The following YLPM1 variants were observed in gnomAD, a reference collection of about 807,000 sequenced individuals.
YLPM1 encodes YLP motif containing 1, also known as YLP motif-containing protein 1.
A neutral mutation model predicts 230.0 loss-of-function variants in YLPM1; 99 were observed. The observed-to-expected ratio is 0.43, with a 90% confidence interval of 0.37 to 0.51. YLPM1 has a LOEUF of 0.51. Among genes scored for constraint, YLPM1 ranks in the 20% least tolerant of loss-of-function variants. The pLI, the probability that YLPM1 is intolerant of heterozygous loss-of-function variation, is 0.00. For synonymous variants in YLPM1, 984 were observed against 942.5 expected (o/e 1.04, Z -0.81); for missense variants, 2,592 against 2,707.7 (o/e 0.96, Z 0.95).
intron 6 of YLPM1, among the ~76,000 whole-genome samples, chr14:74,808,118 C>G (rs2091396788): frequency 1.3e-5 from 2 of 152,144 alleles, no homozygotes. Context: ...TTTCATTACC[C>G]CTGTAAGATC....
Position 74,816,433 on chromosome 14 carries a change from C to T in YLPM1, c.5566-138C>T, listed in dbSNP as rs938596663. 20 of 1,279,314 alleles carry T rather than the reference C, an allele frequency of 1.6e-5. No individual in the cohort carries two copies. The East Asian group carries it at 3.3e-4, about 21-fold the overall frequency. The allele number at this position is 1,279,314 out of a possible 1,614,324, so 79.2% of individuals were successfully genotyped here. On this transcript the variant is annotated intron_variant, in intron 12 of 20. Coordinates refer to ENST00000325680, the MANE Select transcript of YLPM1 (RefSeq NM_019589.3). ...TGTCCCATATATATTTTTATCTACT[C>T]AGAGAAACATTTTTGCCTCTGCTTG...
intron 6 of YLPM1, among the ~76,000 whole-genome samples, chr14:74,805,856 C>CA (rs1233087585): frequency 9.7e-5 from 12 of 123,808 alleles, no homozygotes; most frequent in Non-Finnish European, 2.0e-4. Context: ...GTGCCTGCCA[C>CA]CATTCCTGGC....
chr14:74,782,357 G>C, intron 4 of YLPM1, 32 bp downstream of exon 4: 1 of 1,484,996 alleles, frequency 6.7e-7, no homozygotes, highest in Non-Finnish European at 8.9e-7. Flanking sequence ...TTTTTTTTTG[G>C]TTTGGCTATT....
At position 74,781,705 on chromosome 14, in the gene YLPM1, A is replaced by AG; in HGVS notation, c.1663dup (p.Val555GlyfsTer113). The AG allele has an allele frequency of 6.3e-7, 1 of 1,592,836 alleles. No homozygotes were observed. Among genetic ancestry groups the AG allele is most frequent in the Non-Finnish European group, 8.5e-7 (1 of 1,173,962 alleles). ...TGATGCCCCCTGCCCTCCCTGCTAC[A>AG]GTGCCACCACCTGGCATGCCCCCAC... On this transcript the variant is annotated frameshift_variant, in exon 4 of 21. Transcript: ENST00000325680. LOFTEE classifies it high-confidence loss of function.
chr14:74,823,325 G>C (rs1422985566), intron 17 of YLPM1, among the ~76,000 whole-genome samples: 2 of 152,052 alleles, frequency 1.3e-5, no homozygotes, highest in Admixed American at 6.6e-5. Flanking sequence ...CTATTTACTA[G>C]GTTCCAATAT....
At chr14:74,780,676 A>G in intron 3 of YLPM1, 92 bp downstream of exon 3, 1 of 1,489,266 alleles carries the variant, frequency 6.7e-7, no homozygotes, top group Non-Finnish European at 9.0e-7. Flanking sequence ...AAAACAAAAG[A>G]TACCAACTGT....
rs1265663639 is a variant in YLPM1 at position 74,781,370 on chromosome 14, A to G, written c.1327A>G (p.Met443Val). The change falls in exon 4 of 21, where the codon ATG becomes GTG. Residue 443 changes from methionine to valine, a missense_variant. By Grantham distance (21) the Met-to-Val change is conservative (BLOSUM62 1). Around this residue, in one of 4 missense-constraint regions of YLPM1, gnomAD observed 1,862 missense variants for 1,819.8 expected, o/e 1.02. Transcript: ENST00000325680. Reference protein sequence around the residue: ...SVDMQLRHYEMQQQQFQHLYQ... With the variant: ...SVDMQLRHYEVQQQQFQHLYQ... Reference sequence around the variant, plus strand: ...AGATATGCAGCTGCGGCATTATGAGATGCAGCAGCAACAGTTTCAACATCT... The same window carrying G: ...AGATATGCAGCTGCGGCATTATGAGGTGCAGCAGCAACAGTTTCAACATCT... The G allele has an allele frequency of 1.3e-6, 2 of 1,580,732 alleles. No homozygotes were observed. The highest frequency in any genetic ancestry group is 1.7e-6 in the Non-Finnish European group (2 of 1,162,364).
chr14:74,829,317 C>T lies in YLPM1; in HGVS notation c.6268C>T (p.Arg2090Cys). ...TCAGCTCCCCGATGATTATGATACT[C>T]GTGCTTCTGAGCCTGGGAAGAAGAG... ...YLQLPDDYDT[R>C]ASEPGKKRVR... The change falls in exon 19 of 21, where the codon CGT (arginine) becomes TGT (cysteine). Residue 2090 changes from arginine to cysteine, a missense_variant. Physicochemically the swap from Arg to Cys is radical, Grantham distance 180 (BLOSUM62 -3). Transcript: ENST00000325680. The T allele has an allele frequency of 6.2e-7, 1 of 1,613,068 alleles. No individual in the cohort carries two copies. The highest frequency in any genetic ancestry group is 8.5e-7 in the Non-Finnish European group (1 of 1,179,268).
In YLPM1 at chr14:74,763,533, C is replaced by T. The variant is rs2090870662; in HGVS notation, c.44C>T (p.Pro15Leu). ...CGGTATGGCGGGAGCAGCCACTATCCGCCGCCACCGGTCCCACCGCCGCCG... is the reference window on the plus strand; with the variant it reads ...CGGTATGGCGGGAGCAGCCACTATCTGCCGCCACCGGTCCCACCGCCGCCG... ...WGRYGGSSHY[P>L]PPPVPPPPPV... The change falls in exon 1 of 21, where the codon CCG becomes CTG. Residue 15 changes from proline to leucine, a missense_variant. Around this residue, in one of 4 missense-constraint regions of YLPM1, gnomAD observed 1,862 missense variants for 1,819.8 expected, o/e 1.02. Transcript: ENST00000325680. 1 of 1,513,354 alleles carries T rather than the reference C, an allele frequency of 6.6e-7. No individual in the cohort carries two copies. The highest frequency in any genetic ancestry group is 8.9e-7 in the Non-Finnish European group (1 of 1,128,430). The allele number at this position is 1,513,354 out of a possible 1,614,324, so 93.7% of individuals were successfully genotyped here. A position where few individuals can be genotyped will look rare whatever the true frequency, so the allele number is the denominator to read the frequency against.
chr14:74,824,226 C>G lies in YLPM1; in HGVS notation c.6112-30C>G. ...ATGCATGTATGTGTCTCTTTCTAAC[C>G]CTTCGAGCTTCTCTCTGTGTACGAT... is the stretch of plus-strand genomic sequence containing the variant. On this transcript the variant is annotated intron_variant, in intron 17 of 20. Coordinates refer to ENST00000325680, the MANE Select transcript of YLPM1 (RefSeq NM_019589.3). The G allele has an allele frequency of 1.9e-6, 3 of 1,607,860 alleles. No homozygotes were observed. In the East Asian group the frequency reaches 6.7e-5, roughly 36 times the overall value.
chr14:74,829,279 T>C lies in YLPM1; in HGVS notation c.6230T>C (p.Met2077Thr), dbSNP rs2091590154. The change falls in exon 19 of 21, where the codon ATG becomes ACG. Residue 2077 changes from methionine to threonine, a missense_variant. Transcript: ENST00000325680. ...KRDWEAIASR[M>T]EDYLQLPDDY... ...GACTGGGAGGCCATTGCCAGCAGAA[T>C]GGAGGATTATCTTCAGCTCCCCGAT... is the stretch of plus-strand genomic sequence containing the variant. The C allele has an allele frequency of 6.2e-7, 1 of 1,613,116 alleles. No homozygotes were observed. The highest frequency in any genetic ancestry group is 1.3e-5 in the African/African-American group (1 of 74,826).
chr14:74,798,396 T>G lies in YLPM1; in HGVS notation c.3099T>G (p.Asp1033Glu), dbSNP rs2091285974. 1.2e-6 allele frequency: 2 copies of G among 1,613,730 alleles called. No homozygotes were observed. The highest frequency in any genetic ancestry group is 2.7e-5 in the African/African-American group (2 of 74,846). Reference protein sequence around the residue: ...PGQSRMEDTRDKGLVNRGRGQ... With the variant: ...PGQSRMEDTREKGLVNRGRGQ... Reference sequence around the variant, plus strand: ...AAAGCAGAATGGAAGACACACGGGATAAAGGTCTAGTAAACAGAGGTCGCG... The same window carrying G: ...AAAGCAGAATGGAAGACACACGGGAGAAAGGTCTAGTAAACAGAGGTCGCG... Residue 1033 changes from aspartate to glutamate, a missense_variant, in exon 5 of 21, where the codon GAT becomes GAG. Physicochemically the swap from Asp to Glu is conservative, Grantham distance 45. This residue lies in a region of YLPM1 where 1,862 missense variants were observed against 1,819.8 expected (regional missense o/e 1.02). Coordinates refer to ENST00000325680, the MANE Select transcript of YLPM1 (RefSeq NM_019589.3).
At chr14:74,778,783 T>G (rs182869099) in intron 2 of YLPM1, 100 bp downstream of exon 2, 2 of 983,238 alleles carry the variant, frequency 2.0e-6, no homozygotes, top group Admixed American at 5.8e-5. Flanking sequence ...TTTTTGTTTT[T>G]TTAGGTACCT....
intron 5 of YLPM1, among the ~76,000 whole-genome samples, chr14:74,799,910 A>G (rs1354141129): frequency 6.6e-6 from 1 of 152,174 alleles, no homozygotes; most frequent in East Asian, 1.9e-4. Flanking sequence ...AAGATGTGAA[A>G]ATTGATTGCT....
chr14:74,781,533 A>G lies in YLPM1; in HGVS notation c.1490A>G (p.Gln497Arg), dbSNP rs1021754572. 1 of 1,614,026 alleles carries G rather than the reference A, an allele frequency of 6.2e-7. No individual in the cohort carries two copies. The highest frequency in any genetic ancestry group is 1.7e-5 in the Admixed American group (1 of 60,020). The change falls in exon 4 of 21, where the codon CAG (glutamine) becomes CGG (arginine). Residue 497 changes from glutamine (Q) to arginine (R), a missense_variant. By Grantham distance (43) the Gln-to-Arg change is conservative (BLOSUM62 1). Coordinates refer to ENST00000325680, the MANE Select transcript of YLPM1 (RefSeq NM_019589.3). ...ATGAAAGCCACTCAGAGCTATCTCC[A>G]GGAGAAAGTCAATTCATTTCAGAAC... Reference protein sequence around the residue: ...GHMKATQSYLQEKVNSFQNMK... With the variant: ...GHMKATQSYLREKVNSFQNMK...
At position 74,763,493 on chromosome 14, in the gene YLPM1, T is replaced by C; in HGVS notation, c.4T>C (p.Tyr2His). M[Y>H]PNWGRYGGSS... Reference sequence around the variant, plus strand: ...GCCCTGCGCCTTCTTTTTCGATATGTACCCGAATTGGGGCCGGTATGGCGG... The same window carrying C: ...GCCCTGCGCCTTCTTTTTCGATATGCACCCGAATTGGGGCCGGTATGGCGG... The change falls in exon 1 of 21, where the codon TAC (tyrosine) becomes CAC (histidine). Residue 2 changes from tyrosine to histidine, a missense_variant. This residue lies in a region of YLPM1 where 1,862 missense variants were observed against 1,819.8 expected (regional missense o/e 1.02). Coordinates refer to ENST00000325680, the MANE Select transcript of YLPM1 (RefSeq NM_019589.3). The C allele has an allele frequency of 6.8e-7, 1 of 1,480,618 alleles. No individual in the cohort carries two copies. The highest frequency in any genetic ancestry group is 9.0e-7 in the Non-Finnish European group (1 of 1,112,166). The allele number at this position is 1,480,618 out of a possible 1,614,324, so 91.7% of individuals were successfully genotyped here. A position where few individuals can be genotyped will look rare whatever the true frequency, so the allele number is the denominator to read the frequency against.
chr14:74,809,655 T>C lies in YLPM1; in HGVS notation c.4797T>C (p.Thr1599=). 6.2e-7 allele frequency: 1 copy of C among 1,614,072 alleles called. No homozygotes were observed. Residue 1599 remains threonine, a synonymous_variant, in exon 7 of 21, where the codon ACT becomes ACC. Transcript: ENST00000325680. ...TGAATTCAGAATTTAAGTCAGAAAC[T>C]GCAGCAATTCCATCTGCTCCAGTAT... ...QGLNSEFKSE[T]AAIPSAPVLP... is the part of the protein sequence containing the mutation.
At chr14:74,790,207 A>G (rs1054014361) in intron 4 of YLPM1, among the ~76,000 whole-genome samples, 2 of 152,184 alleles carry the variant, frequency 1.3e-5, no homozygotes, top group Non-Finnish European at 2.9e-5. Context: ...TTTCCATTCT[A>G]TAGCTATCTT....
In YLPM1 at chr14:74,816,739, A is replaced by C. The variant is rs1342686357; in HGVS notation, c.5685+49A>C. On this transcript the variant is annotated intron_variant, in intron 13 of 20. Transcript: ENST00000325680. Reference sequence around the variant, plus strand: ...GTTCTGATTCATTAATAGTATTTAAAGGAAAATGTGTTTGGAGAGAAATGT... The same window carrying C: ...GTTCTGATTCATTAATAGTATTTAACGGAAAATGTGTTTGGAGAGAAATGT... The C allele has an allele frequency of 1.9e-6, 3 of 1,554,136 alleles. No homozygotes were observed. The South Asian group carries it at 3.6e-5, about 19-fold the overall frequency.
Sources: allele counts gnomAD v4.1 joint callset (sites outside exome capture counted in the v4.1 genomes callset), GRCh38; gene constraint gnomAD v4.1.1; regional missense constraint gnomAD v4.1.1; transcripts MANE v1.5; gene names NCBI Gene and HGNC (gene_info 2026-07-23, HGNC 2026-07-21).